The following PCDHGA9 variants were observed in gnomAD, a reference collection of about 807,000 sequenced individuals.
The protein encoded by PCDHGA9 is protocadherin gamma subfamily A, 9, also known as protocadherin gamma-A9.
A neutral mutation model predicts 62.5 loss-of-function variants in PCDHGA9; 37 were observed. The ratio of observed to expected loss-of-function variants is 0.59; its 90% CI spans 0.46 to 0.78. PCDHGA9 has a LOEUF of 0.78. Ranked by LOEUF, PCDHGA9 falls within the 30% of genes least tolerant of loss-of-function variation. The pLI is 0.00. For synonymous variants in PCDHGA9, 459 were observed against 484.6 expected, an observed-to-expected ratio of 0.95 and a Z score of 0.69; for missense variants, 1,138 against 1,166.2, an observed-to-expected ratio of 0.98 and a Z score of 0.35.
chr5:141,487,616 G>A lies in PCDHGA9; in HGVS notation c.2425-7191G>A. On this transcript the variant is annotated intron_variant, in intron 1 of 3. Transcript: ENST00000573521. This position sits in a 1 kb window ranked among gnomAD's most constrained non-coding sequence, Gnocchi z 5.0. ...CTCTGATCTTCTCTATGGGCTAGAG[G>A]TGAGACCTTTGCAGGCTCAACAAAT... 2 of 1,614,220 alleles carry A rather than the reference G, an allele frequency of 1.2e-6. No homozygotes were observed. The highest frequency in any genetic ancestry group is 1.7e-6 in the Non-Finnish European group (2 of 1,180,044).
At chr5:141,447,798 A>G (rs2098551922) in intron 1 of PCDHGA9, among the ~76,000 whole-genome samples, 2 of 152,230 alleles carry the variant, frequency 1.3e-5, no homozygotes, top group Admixed American at 1.3e-4. Context: ...TTAAGAAAAT[A>G]AAATTGGCTG....
At chr5:141,433,261 A>G (rs761584659) in intron 1 of PCDHGA9, 4 of 1,344,710 alleles carry the variant, frequency 3.0e-6, no homozygotes, top group Non-Finnish European at 4.1e-6. Context: ...CGGTACGATC[A>G]TAGCTCACTG....
At chr5:141,494,522 G>C (rs2099754911) in intron 1 of PCDHGA9, among the ~76,000 whole-genome samples, 1 of 152,196 alleles carries the variant, frequency 6.6e-6, no homozygotes, top group Non-Finnish European at 1.5e-5. Flanking sequence ...CAGGAGTTCT[G>C]ACTCTGGGGG....
chr5:141,494,899 C>T, intron 2 of PCDHGA9, 34 bp downstream of exon 2: 1 of 1,614,116 alleles, frequency 6.2e-7, no homozygotes, highest in Non-Finnish European at 8.5e-7. Context: ...ACCCTCTTCT[C>T]TGCGGCATTT....
intron 2 of PCDHGA9, among the ~76,000 whole-genome samples, chr5:141,497,977 G>A (rs1368982839): frequency 6.6e-6 from 1 of 152,216 alleles, no homozygotes; most frequent in Admixed American, 6.5e-5. Context: ...CTCGATGTGG[G>A]AGGCCCCTGC....
At chr5:141,450,742 C>A (rs2098692216) in intron 1 of PCDHGA9, among the ~76,000 whole-genome samples, 1 of 152,118 alleles carries the variant, frequency 6.6e-6, no homozygotes, top group South Asian at 2.1e-4. Context: ...CCGCCTTGGC[C>A]TCCCAAAGTG....
chr5:141,425,555 A>C (rs1282440598), intron 1 of PCDHGA9, among the ~76,000 whole-genome samples: 2 of 152,388 alleles, frequency 1.3e-5, no homozygotes, highest in Middle Eastern at 6.8e-3. Context: ...AACCTCTTTT[A>C]TAAGTGATAA....
At chr5:141,435,614 C>T (rs1274100711) in intron 1 of PCDHGA9, among the ~76,000 whole-genome samples, 1 of 152,056 alleles carries the variant, frequency 6.6e-6, no homozygotes, top group Non-Finnish European at 1.5e-5. Context: ...ACATTAAATT[C>T]CCCATAACTT....
chr5:141,505,345 G>A (rs776607130), intron 2 of PCDHGA9, 48 bp from the exon 3 acceptor site: 13 of 1,613,086 alleles, frequency 8.1e-6, no homozygotes, highest in Non-Finnish European at 1.1e-5. Flanking sequence ...AGGGGCATGA[G>A]CTGTGCCGGC....
intron 3 of PCDHGA9, among the ~76,000 whole-genome samples, chr5:141,507,861 C>T (rs538942097): frequency 7.0e-4 from 106 of 152,306 alleles, no homozygotes; most frequent in African/African-American, 2.5e-3. Flanking sequence ...CTTTCACACC[C>T]GCTTCCTAGC....
chr5:141,493,340 T>C lies in PCDHGA9; in HGVS notation c.2425-1467T>C, dbSNP rs889623993. Among the ~76,000 whole-genome samples, 1 of 152,202 alleles carries C rather than the reference T, an allele frequency of 6.6e-6. No homozygotes were observed. Among genetic ancestry groups the C allele is most frequent in the Admixed American group, 6.5e-5 (1 of 15,288 alleles). Reference sequence around the variant, plus strand: ...TTCTAACCCCTGTCTAACTCCAGAATGTGTGCTTTTAATTTCTTGGCACTT... The same window carrying C: ...TTCTAACCCCTGTCTAACTCCAGAACGTGTGCTTTTAATTTCTTGGCACTT... On this transcript the variant is annotated intron_variant, in intron 1 of 3. Coordinates refer to ENST00000573521, the MANE Select transcript of PCDHGA9 (RefSeq NM_018921.3). The surrounding 1 kb of genome is among the most constrained non-coding windows in gnomAD (Gnocchi z 4.3).
rs761264372 is a variant in PCDHGA9 at position 141,489,500 on chromosome 5, A to G, written c.2425-5307A>G. 12 of 1,614,112 alleles carry G rather than the reference A, an allele frequency of 7.4e-6. No individual in the cohort carries two copies. In the South Asian group the frequency reaches 1.3e-4, roughly 18 times the overall value. On this transcript the variant is annotated intron_variant, in intron 1 of 3. Coordinates refer to ENST00000573521, the MANE Select transcript of PCDHGA9 (RefSeq NM_018921.3). This position sits in a 1 kb window ranked among gnomAD's most constrained non-coding sequence, Gnocchi z 4.5. ...TTGATGAGTGGTGCCCTGGCAGTGA[A>G]TCAAAAGATTGACCGAGAAAGCCTA...
intron 1 of PCDHGA9, chr5:141,410,374 G>A: frequency 6.2e-7 from 1 of 1,613,976 alleles, no homozygotes; most frequent in Non-Finnish European, 8.5e-7. Flanking sequence ...CTGCTACTTG[G>A]GACTGCTTCC....
intron 1 of PCDHGA9, among the ~76,000 whole-genome samples, chr5:141,436,896 A>C (rs567359498): frequency 6.6e-6 from 1 of 152,368 alleles, no homozygotes; most frequent in East Asian, 1.9e-4. Context: ...AAAGATTTTT[A>C]TATGAGACAA....
At chr5:141,407,497 G>GTTTTTTTTTTTTTTTT (rs1554102286) in intron 1 of PCDHGA9, among the ~76,000 whole-genome samples, 1 of 151,966 alleles carries the variant, frequency 6.6e-6, no homozygotes, top group Non-Finnish European at 1.5e-5. Flanking sequence ...CTTTATTTCT[G>GTTTTTTTTTTTTTTTT]TTTTTCTTAG....
intron 1 of PCDHGA9, chr5:141,422,654 C>T: frequency 1.2e-6 from 2 of 1,610,030 alleles, no homozygotes; most frequent in Non-Finnish European, 1.7e-6. Flanking sequence ...TTCTCAGTGA[C>T]CGCCCTCGAC....
chr5:141,508,777 AG>A (rs1428861784), intron 3 of PCDHGA9, among the ~76,000 whole-genome samples: 3 of 150,778 alleles, frequency 2.0e-5, no homozygotes, highest in Non-Finnish European at 4.4e-5. Context: ...TCCCCCCTCT[AG>A]CCCCTAAATC....
chr5:141,447,775 AT>A (rs1463090729), intron 1 of PCDHGA9, among the ~76,000 whole-genome samples: 2 of 152,212 alleles, frequency 1.3e-5, no homozygotes, highest in Non-Finnish European at 2.9e-5. Flanking sequence ...TTATACTTTA[AT>A]TGAAAATAAA....
Position 141,487,660 on chromosome 5 carries a change from T to C in PCDHGA9, c.2425-7147T>C. Reference sequence around the variant, plus strand: ...AACAAATGCTTGAGGGTTATTCTGATCCAGGCATATGGCTAGGCCATGTCC... The same window carrying C: ...AACAAATGCTTGAGGGTTATTCTGACCCAGGCATATGGCTAGGCCATGTCC... On this transcript the variant is annotated intron_variant, in intron 1 of 3. Coordinates refer to ENST00000573521, the MANE Select transcript of PCDHGA9 (RefSeq NM_018921.3). The surrounding 1 kb of genome is among the most constrained non-coding windows in gnomAD (Gnocchi z 5.0). The C allele has an allele frequency of 6.2e-7, 1 of 1,613,442 alleles. No homozygotes were observed. The highest frequency in any genetic ancestry group is 8.5e-7 in the Non-Finnish European group (1 of 1,179,710).
Sources: gnomAD v4.1 joint callset for allele counts (sites outside exome capture counted in the v4.1 genomes callset) on GRCh38, gnomAD v4.1.1 for gene constraint, Gnocchi (gnomAD v3.1) non-coding constraint, MANE v1.5 for transcripts, NCBI Gene and HGNC (gene_info 2026-07-23, HGNC 2026-07-21) for gene names.